PERP: variants seen among roughly 807,000 people sequenced by gnomAD.
PERP encodes the protein p53 apoptosis effector related to PMP22, also known as p53 apoptosis effector related to PMP-22.
In PERP, 11 loss-of-function variants were observed where a neutral mutation model predicts 20.3. That is an observed-to-expected ratio of 0.54 (90% CI 0.34 to 0.90). The LOEUF (loss-of-function observed/expected upper bound fraction) is 0.90, where lower values mean the gene tolerates loss of function less well. Among genes scored for constraint, PERP ranks in the 40% least tolerant of loss-of-function variants. PERP has a pLI of 0.02. For synonymous variants in PERP, 101 were observed against 102.0 expected (o/e 0.99, Z 0.06); for missense variants, 224 against 249.4 (o/e 0.90, Z 0.69).
chr6:138,096,573 T>C, intron 1 of PERP, 79 bp from the exon 2 acceptor site: 1 of 1,452,920 alleles, frequency 6.9e-7, no homozygotes, highest in Non-Finnish European at 9.2e-7. Flanking sequence ...ATCAACATGG[T>C]TTTGGGCTTT....
At chr6:138,092,754 A>T (rs140194738) in intron 2 of PERP, among the ~76,000 whole-genome samples, 1 of 152,162 alleles carries the variant, frequency 6.6e-6, no homozygotes, top group Admixed American at 6.5e-5. Flanking sequence ...ATAACACATC[A>T]CTGGAATATT....
chr6:138,092,311 C>T (rs1450155876), intron 2 of PERP, 43 bp from the exon 3 acceptor site: 1 of 1,487,614 alleles, frequency 6.7e-7, no homozygotes, highest in East Asian at 2.3e-5. Context: ...TGCATACATG[C>T]ATGAAGGAAT....
At chr6:138,093,816 A>G (rs1000941173) in intron 2 of PERP, among the ~76,000 whole-genome samples, 8 of 152,222 alleles carry the variant, frequency 5.3e-5, no homozygotes, top group African/African-American at 1.9e-4. Flanking sequence ...CTTAAAAGTC[A>G]AATAGGCCTT....
chr6:138,098,849 T>A (rs1473885783), intron 1 of PERP, among the ~76,000 whole-genome samples: 1 of 152,232 alleles, frequency 6.6e-6, no homozygotes, highest in Non-Finnish European at 1.5e-5. Context: ...ACAATTTTTA[T>A]TACTTTCCTC....
chr6:138,102,146 G>A (rs1775783399), intron 1 of PERP, among the ~76,000 whole-genome samples: 1 of 152,218 alleles, frequency 6.6e-6, no homozygotes, highest in Non-Finnish European at 1.5e-5. Flanking sequence ...GATGGTGTGA[G>A]ATTCTTTACA....
Position 138,090,101 on chromosome 6 carries a change from T to G in PERP, c.*1941A>C, listed in dbSNP as rs1473885482. The G allele has an allele frequency of 6.6e-6, 1 of 152,192 alleles. No homozygotes were observed. Among genetic ancestry groups the G allele is most frequent in the Non-Finnish European group, 1.5e-5 (1 of 68,042 alleles). The allele number at this position is 152,192 out of a possible 1,614,324, so 9.4% of individuals were successfully genotyped here. ...CATTTTTAATGACCACTTCAAATTC[T>G]CCACCAGCCACGGCATAGTTGTGTG... On this transcript the variant is annotated 3_prime_UTR_variant, in exon 3 of 3. Coordinates refer to ENST00000421351, the MANE Select transcript of PERP (RefSeq NM_022121.5).
At chr6:138,097,560 G>A (rs1248566600) in intron 1 of PERP, among the ~76,000 whole-genome samples, 1 of 152,072 alleles carries the variant, frequency 6.6e-6, no homozygotes, top group Non-Finnish European at 1.5e-5. Flanking sequence ...AGACTTTAGT[G>A]CACCCATTAC....
rs1207377949 is a variant in PERP, at chr6:138,089,747, C to T, written c.*2295G>A. On this transcript the variant is annotated 3_prime_UTR_variant, in exon 3 of 3. Transcript: ENST00000421351. Reference sequence around the variant, plus strand: ...CAACAAGGAATGGCAGATCTCTATACTAGAACAAGGCTGAAGGAAGCAGAC... The same window carrying T: ...CAACAAGGAATGGCAGATCTCTATATTAGAACAAGGCTGAAGGAAGCAGAC... 6.6e-6 allele frequency: 1 copy of T among 152,134 alleles called. No individual in the cohort carries two copies. The highest frequency in any genetic ancestry group is 1.5e-5 in the Non-Finnish European group (1 of 68,026). The allele number at this position is 152,134 out of a possible 1,614,324, so 9.4% of individuals were successfully genotyped here. A position where few individuals can be genotyped will look rare whatever the true frequency, so the allele number is the denominator to read the frequency against.
chr6:138,092,236 G>C lies in PERP; in HGVS notation c.388C>G (p.Pro130Ala), dbSNP rs200654686. The C allele has an allele frequency of 6.2e-7, 1 of 1,613,876 alleles. No individual in the cohort carries two copies. The highest frequency in any genetic ancestry group is 8.5e-7 in the Non-Finnish European group (1 of 1,179,884). ...GTGAAGGTCTGGGTGTACTTCACGG[G>C]GTAAATTACCAGGGAGATGATCTGG... The part of the protein sequence containing the change: ...VFQIISLVIY[P>A]VKYTQTFTLH... The change falls in exon 3 of 3, where the codon CCC (proline) becomes GCC (alanine). Residue 130 changes from proline to alanine, a missense_variant. Coordinates refer to ENST00000421351, the MANE Select transcript of PERP (RefSeq NM_022121.5).
At chr6:138,103,794 T>A (rs1019457937) in intron 1 of PERP, among the ~76,000 whole-genome samples, 3 of 152,224 alleles carry the variant, frequency 2.0e-5, no homozygotes, top group Non-Finnish European at 4.4e-5. Context: ...GTACTTACTT[T>A]TCTTATTTCT....
chr6:138,105,673 G>T (rs1244933236), intron 1 of PERP, among the ~76,000 whole-genome samples: 1 of 152,138 alleles, frequency 6.6e-6, no homozygotes. Context: ...ATATACTTTG[G>T]GTCTGCATTA....
intron 1 of PERP, among the ~76,000 whole-genome samples, chr6:138,098,003 G>A (rs1775721937): frequency 6.6e-6 from 1 of 152,148 alleles, no homozygotes; most frequent in Non-Finnish European, 1.5e-5. Flanking sequence ...CATACACTAT[G>A]TGGCCTTTTG....
chr6:138,104,258 T>C (rs530274914), intron 1 of PERP, among the ~76,000 whole-genome samples: 1 of 152,242 alleles, frequency 6.6e-6, no homozygotes, highest in Non-Finnish European at 1.5e-5. Context: ...CATTAATCTA[T>C]AGATTTTCTT....
intron 1 of PERP, among the ~76,000 whole-genome samples, chr6:138,105,863 C>G (rs1350206377): frequency 6.6e-6 from 1 of 152,202 alleles, no homozygotes; most frequent in Non-Finnish European, 1.5e-5. Flanking sequence ...CAAACCTGAG[C>G]TGGCACAGTG....
chr6:138,106,656 A>G (rs1466084717), intron 1 of PERP, among the ~76,000 whole-genome samples: 1 of 152,218 alleles, frequency 6.6e-6, no homozygotes, highest in Non-Finnish European at 1.5e-5. Context: ...GGGCTTTTTT[A>G]AATGAGAAAG....
rs997535056 is a variant in PERP, at chr6:138,089,732, TG to T, written c.*2309del. The T allele has an allele frequency of 1.3e-5, 2 of 152,204 alleles. No homozygotes were observed. Among genetic ancestry groups the T allele is most frequent in the Non-Finnish European group, 2.9e-5 (2 of 68,038 alleles). The allele number at this position is 152,204 out of a possible 1,614,324, so 9.4% of individuals were successfully genotyped here. ...TTGGTGAATCTGGATCAACAAGGAA[TG>T]GCAGATCTCTATACTAGAACAAGGC... On this transcript the variant is annotated 3_prime_UTR_variant, in exon 3 of 3. Transcript: ENST00000421351.
chr6:138,096,285 G>A, intron 2 of PERP, 69 bp downstream of exon 2: 1 of 1,553,768 alleles, frequency 6.4e-7, no homozygotes, highest in Non-Finnish European at 8.8e-7. Flanking sequence ...TCTTCTTTGT[G>A]GAATTGACCA....
intron 1 of PERP, among the ~76,000 whole-genome samples, chr6:138,105,891 G>T (rs1775832928): frequency 6.6e-6 from 1 of 152,170 alleles, no homozygotes; most frequent in African/African-American, 2.4e-5. Flanking sequence ...TTTCAGAGAA[G>T]AAAACACACA....
At position 138,090,908 on chromosome 6, in the gene PERP, G is replaced by A. The variant is rs1378371250; in HGVS notation, c.*1134C>T. 2 of 152,418 alleles carry A rather than the reference G, an allele frequency of 1.3e-5. No individual in the cohort carries two copies. The highest frequency in any genetic ancestry group is 1.5e-5 in the Non-Finnish European group (1 of 67,984). The allele number at this position is 152,418 out of a possible 1,614,324, so 9.4% of individuals were successfully genotyped here. On this transcript the variant is annotated 3_prime_UTR_variant, in exon 3 of 3. Transcript: ENST00000421351. ...TGGTTTTCATTATGTAAGTCGAAATGGTAAAAAATCATAATGACCTATCCG... is the reference window on the plus strand; with the variant it reads ...TGGTTTTCATTATGTAAGTCGAAATAGTAAAAAATCATAATGACCTATCCG...
Sources: gnomAD v4.1 joint callset for allele counts (sites outside exome capture counted in the v4.1 genomes callset) on GRCh38, gnomAD v4.1.1 for gene constraint, MANE v1.5 for transcripts, NCBI Gene and HGNC (gene_info 2026-07-23, HGNC 2026-07-21) for gene names.